Variants in GMFG observed in about 807,000 individuals in gnomAD.
GMFG encodes glia maturation factor gamma.
A neutral mutation model predicts 26.1 loss-of-function variants in GMFG; 21 were observed. That is an observed-to-expected ratio of 0.80 (90% CI 0.57 to 1.16). GMFG has a LOEUF of 1.16. Ranked by LOEUF, GMFG falls within the 50% of genes most tolerant of loss-of-function variation. GMFG has a pLI of 0.00. For missense variants in GMFG, 161 were observed against 178.3 expected, an observed-to-expected ratio of 0.90 and a Z score of 0.55; for synonymous variants, 65 against 60.8, an observed-to-expected ratio of 1.07 and a Z score of -0.32.
intron 4 of GMFG, among the ~76,000 whole-genome samples, chr19:39,331,701 G>A (rs1283901834): frequency 6.6e-6 from 1 of 152,140 alleles, no homozygotes; most frequent in African/African-American, 2.4e-5. Flanking sequence ...CTTGAGCCCA[G>A]GAGTTAGAGG....
chr19:39,332,062 A>G (rs1309995366), intron 4 of GMFG, among the ~76,000 whole-genome samples: 1 of 151,208 alleles, frequency 6.6e-6, no homozygotes, highest in East Asian at 2.0e-4. Context: ...AAGGTCCTCC[A>G]CCAGGCGCGG....
rs60059725 is a variant in GMFG at position 39,335,372 on chromosome 19, A to G, written c.101-62T>C. The G allele has an allele frequency of 5.0e-3, 7,884 of 1,590,432 alleles. 312 individuals carry two copies. In the African/African-American group the frequency reaches 0.085, roughly 17 times the overall value. On this transcript the variant is annotated intron_variant, in intron 2 of 6. Coordinates refer to ENST00000597595, the MANE Select transcript of GMFG (RefSeq NM_004877.4). ...CCTGATCCATGGGGGACACAAGCCC[A>G]GCCCTCCCTATCTGCCCTCACCACC...
In GMFG at chr19:39,330,352, G is replaced by A. The variant is rs1045640042; in HGVS notation, c.201-726C>T. 1.1e-4 allele frequency among the ~76,000 whole-genome samples: 16 copies of A among 152,276 alleles called. No homozygotes were observed. In the East Asian group the frequency reaches 2.3e-3, roughly 22 times the overall value. On this transcript the variant is annotated intron_variant, in intron 4 of 6. Transcript: ENST00000597595. Reference sequence around the variant, plus strand: ...TCCAAGCCCGGTATAAAATGAAAATGTGGGGCATCTTGTTCAAGAAGCAGG... The same window carrying A: ...TCCAAGCCCGGTATAAAATGAAAATATGGGGCATCTTGTTCAAGAAGCAGG...
intron 5 of GMFG, 34 bp from the exon 6 acceptor site, chr19:39,329,107 G>C (rs768027482): frequency 1.4e-6 from 2 of 1,478,826 alleles, no homozygotes; most frequent in East Asian, 4.5e-5. Flanking sequence ...CACATCAGTG[G>C]GGACCCAGGC....
intron 4 of GMFG, 143 bp downstream of exon 4, chr19:39,332,934 C>A: frequency 2.1e-6 from 1 of 485,074 alleles, no homozygotes. Context: ...GCTGGGATTA[C>A]AGGGATGAGC....
intron 4 of GMFG, among the ~76,000 whole-genome samples, chr19:39,331,197 A>G (rs1223905698): frequency 6.6e-6 from 1 of 152,208 alleles, no homozygotes; most frequent in Non-Finnish European, 1.5e-5. Flanking sequence ...CAAGGACAGC[A>G]GCGGTCACTG....
chr19:39,329,952 G>T (rs2075219889), intron 4 of GMFG, among the ~76,000 whole-genome samples: 1 of 151,974 alleles, frequency 6.6e-6, no homozygotes, highest in South Asian at 2.1e-4. Context: ...AGTGGTGGGC[G>T]CCTGTAATCC....
At chr19:39,329,741 G>A in intron 4 of GMFG, 115 bp from the exon 5 acceptor site, 2 of 713,726 alleles carry the variant, frequency 2.8e-6, no homozygotes, top group Admixed American at 4.1e-5. Context: ...CAGGGTTGAT[G>A]TCTGGGACTC....
rs115230602 is a variant in GMFG, at chr19:39,329,593, G to A, written c.234C>T (p.Asp78=). ...ACAAAGGGTAGGACACTCGGCCATC[G>A]TCATGCACGTACTTGTAGCTGTAAA... is the stretch of plus-strand genomic sequence containing the variant. ...FVVYSYKYVH[D]DGRVSYPLCF... The change falls in exon 5 of 7, where the codon GAC becomes GAT. Residue 78 remains aspartate (D), a synonymous_variant. Coordinates refer to ENST00000597595, the MANE Select transcript of GMFG (RefSeq NM_004877.4). 3.5e-5 allele frequency: 56 copies of A among 1,611,176 alleles called. No individual in the cohort carries two copies. The African/African-American group carries it at 5.3e-4, about 15-fold the overall frequency.
At chr19:39,329,150 G>A in intron 5 of GMFG, 77 bp from the exon 6 acceptor site, 1 of 991,076 alleles carries the variant, frequency 1.0e-6, no homozygotes, top group South Asian at 1.3e-5. Context: ...TGTCCTGAAG[G>A]CCCTGCAGCT....
intron 1 of GMFG, 147 bp from the exon 2 acceptor site, chr19:39,335,678 C>T: frequency 1.5e-6 from 1 of 677,808 alleles, no homozygotes; most frequent in Non-Finnish European, 2.6e-6. Flanking sequence ...GCACCCTTCC[C>T]ACAGAGTAGA....
chr19:39,335,379 C>A (rs760224044), intron 2 of GMFG, 56 bp downstream of exon 2: 1 of 1,584,758 alleles, frequency 6.3e-7, no homozygotes, highest in Non-Finnish European at 8.7e-7. Context: ...CCCAGCCCTC[C>A]CTATCTGCCC....
chr19:39,333,070 A>T lies in GMFG; in HGVS notation c.200+7T>A. On this transcript the variant is annotated splice_region_variant and intron_variant, in intron 4 of 6. Coordinates refer to ENST00000597595, the MANE Select transcript of GMFG (RefSeq NM_004877.4). ...GCCTGATCCAACCCTTTCTTCCCCC[A>T]GGATACCTGGGCTGTCTCTCCGGCA... is the stretch of plus-strand genomic sequence containing the variant. The T allele has an allele frequency of 6.3e-7, 1 of 1,593,502 alleles. No homozygotes were observed. The highest frequency in any genetic ancestry group is 1.1e-5 in the South Asian group (1 of 90,540).
chr19:39,329,995 C>T (rs1329092449), intron 4 of GMFG, among the ~76,000 whole-genome samples: 1 of 152,078 alleles, frequency 6.6e-6, no homozygotes, highest in African/African-American at 2.4e-5. Flanking sequence ...AGGAGAATCG[C>T]TTGAACTCAG....
At position 39,335,247 on chromosome 19, in the gene GMFG, C is replaced by T; in HGVS notation, c.150+14G>A. The stretch of plus-strand genomic sequence containing the variant: ...ACCCTGTACCTCCCAGTCCCAATCA[C>T]CCCAGCCCATCACCTGAAATTCTTC... On this transcript the variant is annotated intron_variant, in intron 3 of 6. Coordinates refer to ENST00000597595, the MANE Select transcript of GMFG (RefSeq NM_004877.4). 1 of 1,553,262 alleles carries T rather than the reference C, an allele frequency of 6.4e-7. No individual in the cohort carries two copies. Among genetic ancestry groups the T allele is most frequent in the Non-Finnish European group, 8.7e-7 (1 of 1,147,926 alleles).
intron 3 of GMFG, 89 bp downstream of exon 3, chr19:39,335,172 C>T: frequency 9.7e-7 from 1 of 1,029,950 alleles, no homozygotes; most frequent in Non-Finnish European, 1.4e-6. Context: ...CTTTCTACCC[C>T]CATGCCAGGC....
chr19:39,328,623 T>A, intron 6 of GMFG, 75 bp from the exon 7 acceptor site: 1 of 1,074,288 alleles, frequency 9.3e-7, no homozygotes, highest in Non-Finnish European at 1.4e-6. Flanking sequence ...GGCTCACCTG[T>A]AAGAGAGCAC....
At chr19:39,332,656 C>CTTTTTTTTTTTTTTTT (rs59277772) in intron 4 of GMFG, among the ~76,000 whole-genome samples, 1 of 111,300 alleles carries the variant, frequency 9.0e-6, no homozygotes, top group Non-Finnish European at 1.7e-5. Flanking sequence ...CACAGAGATT[C>CTTTTTTTTTTTTTTTT]TTTTTTTTTT....
At chr19:39,330,428 T>C (rs2075221792) in intron 4 of GMFG, among the ~76,000 whole-genome samples, 1 of 150,378 alleles carries the variant, frequency 6.6e-6, no homozygotes, top group East Asian at 1.9e-4. Flanking sequence ...ATCATCGTCT[T>C]TTTTTTTTAC....
Sources: allele counts gnomAD v4.1 joint callset (sites outside exome capture counted in the v4.1 genomes callset), GRCh38; gene constraint gnomAD v4.1.1; transcripts MANE v1.5; gene names NCBI Gene and HGNC (gene_info 2026-07-23, HGNC 2026-07-21).